The following PRAMEF2 variants were observed in gnomAD, a reference collection of about 807,000 sequenced individuals.
PRAMEF2 encodes PRAME family member 2.
PRAMEF2 carries 35 observed loss-of-function variants against 38.0 expected under a neutral mutation model. The observed-to-expected ratio is 0.92, with a 90% CI of 0.70 to 1.22. The LOEUF (loss-of-function observed/expected upper bound fraction) is 1.22. PRAMEF2 is among the 50% of genes most tolerant of loss of function. The pLI is 0.00. For synonymous variants in PRAMEF2, 240 were observed against 232.4 expected (o/e 1.03, Z -0.30); for missense variants, 562 against 553.9 (o/e 1.01, Z -0.15).
rs756473644 is a variant in PRAMEF2, at chr1:12,858,896, T to C, written c.-25-89T>C. 6.0e-5 allele frequency: 86 copies of C among 1,442,170 alleles called. 4 individuals carry two copies. The highest frequency in any genetic ancestry group is 7.5e-5 in the Non-Finnish European group (80 of 1,064,716). 89.3% of individuals were successfully genotyped at this position (1,442,170 alleles called of 1,614,324 possible). A position where few individuals can be genotyped will look rare whatever the true frequency, so the allele number is the denominator to read the frequency against. ...GGTAAAGTGGTAATTTTTCTACCTC[T>C]ACCAGAGCAATGATATTGGTCCTAG... On this transcript the variant is annotated intron_variant, in intron 1 of 3. Coordinates refer to ENST00000240189, the MANE Select transcript of PRAMEF2 (RefSeq NM_023014.1).
Position 12,861,409 on chromosome 1 carries a change from A to G in PRAMEF2, c.1055A>G (p.Glu352Gly). 2.5e-6 allele frequency: 4 copies of G among 1,602,902 alleles called. No homozygotes were observed. Among genetic ancestry groups the G allele is most frequent in the Non-Finnish European group, 3.4e-6 (4 of 1,174,518 alleles). ...ALLEKIAASL[E>G]TLVLEGCQIH... ...CTAGAGAAAATTGCTGCCTCTCTCG[A>G]GACCCTCGTGTTAGAGGGCTGTCAG... The change falls in exon 4 of 4, where the codon GAG becomes GGG. Residue 352 changes from glutamate (E) to glycine (G), a missense_variant. Transcript: ENST00000240189.
Position 12,861,325 on chromosome 1 carries a change from A to G in PRAMEF2, c.971A>G (p.His324Arg), listed in dbSNP as rs781235153. The change falls in exon 4 of 4, where the codon CAT (histidine) becomes CGT (arginine). Residue 324 changes from histidine to arginine, a missense_variant. Physicochemically the swap from His to Arg is conservative, Grantham distance 29. Around this residue, in one of 2 missense-constraint regions of PRAMEF2, gnomAD observed 486 missense variants for 444.2 expected, o/e 1.09. Transcript: ENST00000240189. ...SQFPSLGYLKHLNLSYVLLFR... is the reference protein window; with the variant it reads ...SQFPSLGYLKRLNLSYVLLFR... Reference sequence around the variant, plus strand: ...TTCCCAAGCCTCGGTTACCTAAAGCATCTGAATCTCAGCTACGTGCTGCTG... The same window carrying G: ...TTCCCAAGCCTCGGTTACCTAAAGCGTCTGAATCTCAGCTACGTGCTGCTG... The G allele has an allele frequency of 1.7e-5, 27 of 1,606,962 alleles. 3 individuals are homozygous for G. Among genetic ancestry groups the G allele is most frequent in the African/African-American group, 1.3e-4 (10 of 74,302 alleles).
chr1:12,858,170 A>G lies in PRAMEF2; in HGVS notation c.-25-815A>G, dbSNP rs536077578. 3.3e-3 allele frequency among the ~76,000 whole-genome samples: 489 copies of G among 150,032 alleles called. 8 individuals are homozygous for G. Among genetic ancestry groups the G allele is most frequent in the African/African-American group, 0.011 (454 of 40,880 alleles). ...CCTGGAAACTCTGCCTCTGGGCTTC[A>G]AGTGATTCTCCTTCCTCTGCCTCCA... On this transcript the variant is annotated intron_variant, in intron 1 of 3. Transcript: ENST00000240189.
intron 1 of PRAMEF2, 38 bp from the exon 2 acceptor site, chr1:12,858,947 C>A: frequency 1.3e-6 from 2 of 1,567,504 alleles, no homozygotes; most frequent in East Asian, 2.2e-5. Context: ...TTGTGTTTGC[C>A]CTGAGAGTGA....
At chr1:12,858,573 C>T (rs1394325795) in intron 1 of PRAMEF2, among the ~76,000 whole-genome samples, 1 of 149,932 alleles carries the variant, frequency 6.7e-6, no homozygotes, top group Non-Finnish European at 1.5e-5. Flanking sequence ...TAGTGTTCCC[C>T]CAGCATGTTC....
intron 3 of PRAMEF2, among the ~76,000 whole-genome samples, chr1:12,860,584 T>TA (rs2100392027): frequency 6.7e-6 from 1 of 149,912 alleles, no homozygotes; most frequent in East Asian, 2.0e-4. Context: ...TGTTTCAAGT[T>TA]GATATGATGT....
Position 12,860,633 on chromosome 1 carries a change from C to A in PRAMEF2, c.866+362C>A, listed in dbSNP as rs201005219. ...GAGGAGGGTATGAAAGGAGGGAAAG[C>A]GCATCAAACCTGTCCATTTCACAAT... On this transcript the variant is annotated intron_variant, in intron 3 of 3. Coordinates refer to ENST00000240189, the MANE Select transcript of PRAMEF2 (RefSeq NM_023014.1). Among the ~76,000 whole-genome samples, 2 of 149,898 alleles carry A rather than the reference C, an allele frequency of 1.3e-5. 1 individual carries two copies.
chr1:12,858,958 T>C lies in PRAMEF2; in HGVS notation c.-25-27T>C, dbSNP rs569835550. The C allele has an allele frequency of 1.9e-5, 30 of 1,580,754 alleles. 2 individuals carry two copies. The highest frequency in any genetic ancestry group is 2.3e-4 in the Middle Eastern group (1 of 4,260). ...GTGATTGTGTTTGCCCTGAGAGTGATACATTCTCCCTGGATTTGTCTTCTA... is the reference window on the plus strand; with the variant it reads ...GTGATTGTGTTTGCCCTGAGAGTGACACATTCTCCCTGGATTTGTCTTCTA... On this transcript the variant is annotated intron_variant, in intron 1 of 3. Transcript: ENST00000240189.
chr1:12,860,158 C>G lies in PRAMEF2; in HGVS notation c.753C>G (p.Leu251=), dbSNP rs745490775. 38 of 1,606,644 alleles carry G rather than the reference C, an allele frequency of 2.4e-5. No homozygotes were observed. The South Asian group carries it at 4.0e-4, about 17-fold the overall frequency. ...ATCATTACACGTCAGATAATGAACT[C>G]GAGGGATGGTTAGTCACCAGATTCA... ...RCHHYTSDNE[L]EGWLVTRFTS... The change falls in exon 3 of 4, where the codon CTC becomes CTG. Residue 251 remains leucine (L), a synonymous_variant. Transcript: ENST00000240189.
Position 12,860,184 on chromosome 1 carries a change from C to T in PRAMEF2, c.779C>T (p.Thr260Ile). Residue 260 changes from threonine (T) to isoleucine (I), a missense_variant, in exon 3 of 4, where the codon ACC becomes ATC. By Grantham distance (89) the Thr-to-Ile change is moderately conservative. Transcript: ENST00000240189. ...GAGGGATGGTTAGTCACCAGATTCACCTCTGTGTTCCTCAGGCTGGAACAC... is the reference window on the plus strand; with the variant it reads ...GAGGGATGGTTAGTCACCAGATTCATCTCTGTGTTCCTCAGGCTGGAACAC... ...ELEGWLVTRF[T>I]SVFLRLEHLQ... is the part of the protein sequence containing the mutation. The T allele has an allele frequency of 6.2e-7, 1 of 1,605,300 alleles. No individual in the cohort carries two copies. Among genetic ancestry groups the T allele is most frequent in the Non-Finnish European group, 8.5e-7 (1 of 1,175,642 alleles).
rs1040032862 is a variant in PRAMEF2 at position 12,857,142 on chromosome 1, G to A, written c.-31G>A. 12 of 148,300 alleles carry A rather than the reference G, an allele frequency of 8.1e-5. 1 individual carries two copies. The highest frequency in any genetic ancestry group is 4.9e-4 in the Admixed American group (7 of 14,218). 9.2% of individuals were successfully genotyped at this position (148,300 alleles called of 1,614,324 possible). A position where few individuals can be genotyped will look rare whatever the true frequency, so the allele number is the denominator to read the frequency against. ...CCCAGAACTCTGCAAAGTGAGTCCAGCGCTGGTAAGTCACCACCTTCTTAG... is the reference window on the plus strand; with the variant it reads ...CCCAGAACTCTGCAAAGTGAGTCCAACGCTGGTAAGTCACCACCTTCTTAG... On this transcript the variant is annotated 5_prime_UTR_variant, in exon 1 of 4. Transcript: ENST00000240189.
Position 12,859,312 on chromosome 1 carries a change from A to T in PRAMEF2, c.287+16A>T. The T allele has an allele frequency of 6.2e-7, 1 of 1,608,208 alleles. No individual in the cohort carries two copies. The highest frequency in any genetic ancestry group is 1.1e-5 in the South Asian group (1 of 90,854). On this transcript the variant is annotated intron_variant, in intron 2 of 3. Transcript: ENST00000240189. The stretch of plus-strand genomic sequence containing the variant: ...ATCGCCCCAGGTGAGGTGACCCAGG[A>T]GGGCTAGTAGATAGGGCTCAGGTGT...
At chr1:12,861,142 G>T (rs1321759436) in intron 3 of PRAMEF2, 79 bp from the exon 4 acceptor site, 61 of 1,467,366 alleles carry the variant, frequency 4.2e-5, no homozygotes, top group Non-Finnish European at 5.5e-5. Flanking sequence ...GTTGAAGCAG[G>T]TATTTTCCTT....
In PRAMEF2 at chr1:12,861,909, T is replaced by C. The variant is rs953915779; in HGVS notation, c.*130T>C. 6.1e-6 allele frequency: 8 copies of C among 1,320,200 alleles called. No homozygotes were observed. The African/African-American group carries it at 1.2e-4, about 20-fold the overall frequency. The allele number at this position is 1,320,200 out of a possible 1,614,324, so 81.8% of individuals were successfully genotyped here. On this transcript the variant is annotated 3_prime_UTR_variant, in exon 4 of 4. Transcript: ENST00000240189. Reference sequence around the variant, plus strand: ...ATTTCATTTTTTAATAATTCCAAAATTTTTATTAAAGACAATTTGAGACAG... The same window carrying C: ...ATTTCATTTTTTAATAATTCCAAAACTTTTATTAAAGACAATTTGAGACAG...
At chr1:12,860,378 G>C in intron 3 of PRAMEF2, 107 bp downstream of exon 3, 1 of 1,538,320 alleles carries the variant, frequency 6.5e-7, no homozygotes, top group Non-Finnish European at 8.8e-7. Context: ...CAACGTCACA[G>C]TGAAGGGAAC....
Position 12,861,211 on chromosome 1 carries a change from A to G in PRAMEF2, c.867-10A>G. 3 of 1,604,852 alleles carry G rather than the reference A, an allele frequency of 1.9e-6. No homozygotes were observed. The highest frequency in any genetic ancestry group is 2.6e-6 in the Non-Finnish European group (3 of 1,174,648). ...ACCATTGCCCAGAACTAACTTCTTG[A>G]TCTCCACAGGTGCCTCCAGAACCCC... is the stretch of plus-strand genomic sequence containing the variant. On this transcript the variant is annotated splice_polypyrimidine_tract_variant and intron_variant, in intron 3 of 3. Coordinates refer to ENST00000240189, the MANE Select transcript of PRAMEF2 (RefSeq NM_023014.1).
intron 1 of PRAMEF2, among the ~76,000 whole-genome samples, chr1:12,857,517 A>G (rs1640468357): frequency 7.0e-6 from 1 of 142,348 alleles, no homozygotes; most frequent in Non-Finnish European, 1.5e-5. Context: ...TAAAATCCTT[A>G]AAGGTATCCC....
chr1:12,860,170 A>G lies in PRAMEF2; in HGVS notation c.765A>G (p.Leu255=). Residue 255 remains leucine (L), a synonymous_variant, in exon 3 of 4, where the codon TTA becomes TTG. Transcript: ENST00000240189. ...CAGATAATGAACTCGAGGGATGGTT[A>G]GTCACCAGATTCACCTCTGTGTTCC... ...YTSDNELEGW[L]VTRFTSVFLR... is the part of the protein sequence containing the mutation. 1.2e-6 allele frequency: 2 copies of G among 1,606,948 alleles called. No homozygotes were observed. The highest frequency in any genetic ancestry group is 1.7e-6 in the Non-Finnish European group (2 of 1,176,640).
rs1334385799 is a variant in PRAMEF2 at position 12,859,054 on chromosome 1, G to C, written c.45G>C (p.Gln15His). The C allele has an allele frequency of 1.6e-5, 25 of 1,603,874 alleles. No individual in the cohort carries two copies. The highest frequency in any genetic ancestry group is 2.2e-5 in the East Asian group (1 of 44,654). Residue 15 changes from glutamine (Q) to histidine (H), a missense_variant, in exon 2 of 4, where the codon CAG becomes CAC. By Grantham distance (24) the Gln-to-His change is conservative (BLOSUM62 0). Around this residue, in one of 2 missense-constraint regions of PRAMEF2, gnomAD observed 486 missense variants for 444.2 expected, o/e 1.09. Transcript: ENST00000240189. ...CGAGACTACTGGAGCTGGCGGGGCA[G>C]AGCCTGCTGAGAGACCAGGCCTTGT... ...APPRLLELAG[Q>H]SLLRDQALSI...
Sources: gnomAD v4.1 joint callset for allele counts (sites outside exome capture counted in the v4.1 genomes callset) on GRCh38, gnomAD v4.1.1 for gene constraint, gnomAD v4.1.1 regional missense constraint, MANE v1.5 for transcripts, NCBI Gene and HGNC (gene_info 2026-07-23, HGNC 2026-07-21) for gene names.